Variants in AKAP19 observed in about 807,000 individuals in gnomAD.
AKAP19 encodes small A-kinase anchoring protein.
the AKAP19 span, among the ~76,000 whole-genome samples, chr2:189,880,218 G>C: frequency 1.3e-5 from 2 of 152,022 alleles, no homozygotes; most frequent in Non-Finnish European, 2.9e-5. Flanking sequence ...TTCATCTTAT[G>C]TTCTTATGTC....
At chr2:189,965,978 A>G in the AKAP19 span, among the ~76,000 whole-genome samples, 3 of 151,966 alleles carry the variant, frequency 2.0e-5, no homozygotes, top group Non-Finnish European at 4.4e-5. Flanking sequence ...GTGTATGTGT[A>G]TATATATATG....
At chr2:190,092,292 A>C in the AKAP19 span, among the ~76,000 whole-genome samples, 3 of 152,184 alleles carry the variant, frequency 2.0e-5, no homozygotes, top group African/African-American at 4.8e-5. Flanking sequence ...TCCTTGTGTA[A>C]GAGAATGTAC....
At chr2:190,073,966 T>C in the AKAP19 span, among the ~76,000 whole-genome samples, 1 of 150,668 alleles carries the variant, frequency 6.6e-6, no homozygotes, top group Non-Finnish European at 1.5e-5. Context: ...CGCTTGAACC[T>C]GGGAGGCGGA....
At chr2:189,923,305 G>C in the AKAP19 span, 6 of 1,593,986 alleles carry the variant, frequency 3.8e-6, no homozygotes, top group South Asian at 5.6e-5. Flanking sequence ...TCTTGTTTTC[G>C]GCTTTGTGAG....
the AKAP19 span, among the ~76,000 whole-genome samples, chr2:190,059,135 A>G: frequency 2.0e-5 from 3 of 151,934 alleles, no homozygotes; most frequent in African/African-American, 7.2e-5. Flanking sequence ...AGATCATTGA[A>G]TGATTACAAA....
chr2:189,930,322 C>T, the AKAP19 span: 9 of 652,964 alleles, frequency 1.4e-5, no homozygotes, highest in East Asian at 3.1e-4. Context: ...AGGAGGGGCA[C>T]GTGAAGGATC....
the AKAP19 span, chr2:190,079,899 G>C: frequency 3.6e-4 from 54 of 150,790 alleles, 2 homozygotes; most frequent in African/African-American, 1.3e-3. Flanking sequence ...GTGAGAGAGA[G>C]AGAGAGAGAG....
chr2:190,077,442 A>G, the AKAP19 span, among the ~76,000 whole-genome samples: 1 of 151,836 alleles, frequency 6.6e-6, no homozygotes, highest in South Asian at 2.1e-4. Flanking sequence ...TTAAACATTT[A>G]AAATGTTAAC....
the AKAP19 span, among the ~76,000 whole-genome samples, chr2:189,943,410 C>T: frequency 6.6e-6 from 1 of 152,232 alleles, no homozygotes; most frequent in Non-Finnish European, 1.5e-5. Flanking sequence ...TGAGGCTTGG[C>T]AACTTCTGCC....
the AKAP19 span, among the ~76,000 whole-genome samples, chr2:190,141,334 T>C: frequency 1.3e-5 from 2 of 152,168 alleles, no homozygotes; most frequent in Admixed American, 1.3e-4. Flanking sequence ...ATAGCAGCAC[T>C]CCACTCTACT....
chr2:190,064,943 A>G, the AKAP19 span, among the ~76,000 whole-genome samples: 1 of 152,196 alleles, frequency 6.6e-6, no homozygotes. Flanking sequence ...GCTAAAATTT[A>G]TCTATGAAAC....
the AKAP19 span, among the ~76,000 whole-genome samples, chr2:189,953,634 C>CAAAAAAAAAAAAAAAAAAAAAAAAAA: frequency 1.4e-5 from 1 of 72,826 alleles, no homozygotes; most frequent in Non-Finnish European, 2.7e-5. Flanking sequence ...AACTCCATCT[C>CAAAAAAAAAAAAAAAAAAAAAAAAAA]AAAAAAAAAA....
At chr2:190,020,397 A>G in the AKAP19 span, among the ~76,000 whole-genome samples, 1 of 152,208 alleles carries the variant, frequency 6.6e-6, no homozygotes, top group South Asian at 2.1e-4. Flanking sequence ...AGTATTTATA[A>G]TATACCTAAA....
At chr2:190,170,142 G>A in the AKAP19 span, among the ~76,000 whole-genome samples, 1 of 152,332 alleles carries the variant, frequency 6.6e-6, no homozygotes, top group Non-Finnish European at 1.5e-5. Flanking sequence ...CTGTCAAGGA[G>A]CCAGGGCAAG....
At chr2:190,171,243 A>AC in the AKAP19 span, among the ~76,000 whole-genome samples, 1 of 152,094 alleles carries the variant, frequency 6.6e-6, no homozygotes, top group African/African-American at 2.4e-5. Context: ...TAAAAAAAAA[A>AC]ACAAACAGTG....
the AKAP19 span, among the ~76,000 whole-genome samples, chr2:189,988,395 G>A: frequency 2.0e-5 from 3 of 152,174 alleles, no homozygotes; most frequent in African/African-American, 7.2e-5. Flanking sequence ...CATTTAACTT[G>A]GTGGCTGGTG....
the AKAP19 span, among the ~76,000 whole-genome samples, chr2:190,110,251 G>A: frequency 6.6e-6 from 1 of 152,206 alleles, no homozygotes; most frequent in Non-Finnish European, 1.5e-5. Flanking sequence ...CTATATTGCA[G>A]TAAGTTGAAA....
At chr2:190,131,822 A>T in the AKAP19 span, among the ~76,000 whole-genome samples, 1 of 152,176 alleles carries the variant, frequency 6.6e-6, no homozygotes, top group African/African-American at 2.4e-5. Context: ...TAGAGGAAAA[A>T]AATATCCACA....
the AKAP19 span, chr2:189,930,323 G>T: frequency 1.5e-6 from 1 of 656,500 alleles, no homozygotes; most frequent in Non-Finnish European, 2.3e-6. Flanking sequence ...GGAGGGGCAC[G>T]TGAAGGATCT....
Sources: allele counts gnomAD v4.1 joint callset (sites outside exome capture counted in the v4.1 genomes callset), GRCh38; gene constraint gnomAD v4.1.1; transcripts MANE v1.5; gene names NCBI Gene and HGNC (gene_info 2026-07-23, HGNC 2026-07-21).